The following NRXN3 variants were observed in gnomAD, a reference collection of about 807,000 sequenced individuals.
NRXN3 encodes the protein neurexin III.
Under a neutral mutation model 137.6 loss-of-function variants are expected in NRXN3, and 32 were observed. That is an observed-to-expected ratio of 0.23 (90% CI 0.18 to 0.31). The LOEUF is 0.31. NRXN3 is among the 10% of genes least tolerant of loss of function. The pLI is 1.00. For missense variants in NRXN3, 1,574 were observed against 2,062.5 expected, an observed-to-expected ratio of 0.76 and a Z score of 4.59; for synonymous variants, 798 against 784.5, an observed-to-expected ratio of 1.02 and a Z score of -0.29.
At chr14:79,075,048 T>C (rs958351215) in intron 15 of NRXN3, among the ~76,000 whole-genome samples, 10 of 152,194 alleles carry the variant, frequency 6.6e-5, no homozygotes, top group Non-Finnish European at 1.2e-4. Context: ...CTTTTACTTA[T>C]TTTAATTTTA....
At chr14:78,665,719 G>A (rs1050594328) in intron 6 of NRXN3, among the ~76,000 whole-genome samples, 1 of 152,128 alleles carries the variant, frequency 6.6e-6, no homozygotes, top group Non-Finnish European at 1.5e-5. Context: ...GAAGCTACTA[G>A]GACAAAAAGG....
At chr14:79,099,223 A>G (rs2050852620) in intron 15 of NRXN3, among the ~76,000 whole-genome samples, 1 of 152,202 alleles carries the variant, frequency 6.6e-6, no homozygotes, top group African/African-American at 2.4e-5. Flanking sequence ...GTGTATAAGC[A>G]GAGTTTGCTA....
At chr14:78,839,490 C>A (rs945219415) in intron 10 of NRXN3, among the ~76,000 whole-genome samples, 2 of 152,226 alleles carry the variant, frequency 1.3e-5, no homozygotes, top group African/African-American at 4.8e-5. Flanking sequence ...TGCTTTTCAT[C>A]TGTCCAAGCT....
intron 4 of NRXN3, among the ~76,000 whole-genome samples, chr14:78,619,063 G>A (rs2152494372): frequency 6.6e-6 from 1 of 152,258 alleles, no homozygotes; most frequent in East Asian, 1.9e-4. Flanking sequence ...ATCCCCTTGA[G>A]GAGTTCCATC....
chr14:79,122,926 T>C lies in NRXN3; in HGVS notation c.3262+134785T>C, dbSNP rs552357223. Among the ~76,000 whole-genome samples, 44 of 152,314 alleles carry C rather than the reference T, an allele frequency of 2.9e-4. 1 individual carries two copies. In the South Asian group the frequency reaches 9.1e-3, roughly 32 times the overall value. On this transcript the variant is annotated intron_variant, in intron 15 of 20. Coordinates refer to ENST00000335750, the MANE Select transcript of NRXN3 (RefSeq NM_001330195.2). ...GCTTTATAATTTGAAAACCTCTATT[T>C]TACTCCTGTTTTTCTTTGGAGGCCA...
chr14:78,995,394 C>A (rs1490443148), intron 15 of NRXN3, among the ~76,000 whole-genome samples: 2 of 152,162 alleles, frequency 1.3e-5, no homozygotes, highest in Non-Finnish European at 2.9e-5. Flanking sequence ...CAACATATGT[C>A]ATACAGCACG....
chr14:79,857,116 G>A (rs992435150), intron 20 of NRXN3, among the ~76,000 whole-genome samples: 7 of 152,178 alleles, frequency 4.6e-5, no homozygotes, highest in Non-Finnish European at 8.8e-5. Context: ...TGATCTCTGG[G>A]AAGTGAAGAA....
chr14:79,674,115 T>C (rs1178244562), intron 17 of NRXN3, among the ~76,000 whole-genome samples: 1 of 152,008 alleles, frequency 6.6e-6, no homozygotes, highest in African/African-American at 2.4e-5. Context: ...GGGGCGAGCA[T>C]GGAATACAAT....
At chr14:78,253,127 G>A (rs1264750607) in intron 2 of NRXN3, among the ~76,000 whole-genome samples, 2 of 152,118 alleles carry the variant, frequency 1.3e-5, no homozygotes, top group Non-Finnish European at 2.9e-5. Flanking sequence ...TGCTCTGTCT[G>A]GGCCAGAAAA....
intron 19 of NRXN3, among the ~76,000 whole-genome samples, chr14:79,762,855 T>C (rs72698406): frequency 6.6e-6 from 1 of 151,314 alleles, no homozygotes; most frequent in East Asian, 1.9e-4. Flanking sequence ...TGAACATCTG[T>C]TTTTTCTTTT....
At chr14:79,376,241 TATATATATATATATATATATATATAC>T (rs1207270204) in intron 15 of NRXN3, among the ~76,000 whole-genome samples, 3,459 of 110,600 alleles carry the variant, frequency 0.031, 100 homozygotes, top group Non-Finnish European at 0.045. Context: ...TATATATATA[TATATATATATATATATATATATATAC>T]ACATACATAT....
intron 15 of NRXN3, among the ~76,000 whole-genome samples, chr14:79,380,149 C>CTT (rs949863265): frequency 6.1e-5 from 3 of 48,944 alleles, no homozygotes; most frequent in Non-Finnish European, 4.1e-5. Context: ...TATACTTCTT[C>CTT]TTTTTTTTTT....
chr14:78,442,282 G>GAAAA (rs34451142), intron 4 of NRXN3, among the ~76,000 whole-genome samples: 51 of 142,908 alleles, frequency 3.6e-4, no homozygotes, highest in African/African-American at 1.3e-3. Flanking sequence ...AGAAAAAAAG[G>GAAAA]AAAAAAAAAA....
intron 4 of NRXN3, among the ~76,000 whole-genome samples, chr14:78,574,600 G>A (rs1051128134): frequency 2.6e-5 from 4 of 152,182 alleles, no homozygotes; most frequent in East Asian, 1.9e-4. Context: ...TAGCCCCTTC[G>A]TTTTGGCCAG....
chr14:79,343,350 A>G (rs79732725), intron 15 of NRXN3, among the ~76,000 whole-genome samples: 1,993 of 152,298 alleles, frequency 0.013, 54 homozygotes, highest in African/African-American at 0.045. Flanking sequence ...TCCCAAAGTT[A>G]GTTCAGTCTA....
intron 15 of NRXN3, among the ~76,000 whole-genome samples, chr14:79,411,003 C>T (rs909031654): frequency 6.6e-6 from 1 of 152,022 alleles, no homozygotes; most frequent in Non-Finnish European, 1.5e-5. Flanking sequence ...CTCAGGGCTA[C>T]CCATCTATTA....
chr14:79,108,796 A>T (rs1370421201), intron 15 of NRXN3, among the ~76,000 whole-genome samples: 2 of 152,168 alleles, frequency 1.3e-5, no homozygotes, highest in African/African-American at 4.8e-5. Flanking sequence ...GAAGAAGGGG[A>T]GGCAATTTGT....
At chr14:79,740,707 G>GTTTT (rs71103816) in intron 19 of NRXN3, among the ~76,000 whole-genome samples, 3 of 47,694 alleles carry the variant, frequency 6.3e-5, no homozygotes, top group Admixed American at 3.1e-4. Flanking sequence ...TTTGCATTTA[G>GTTTT]TTTTTTATAT....
intron 4 of NRXN3, among the ~76,000 whole-genome samples, chr14:78,298,209 C>G (rs1309186490): frequency 6.6e-6 from 1 of 152,208 alleles, no homozygotes; most frequent in Non-Finnish European, 1.5e-5. Flanking sequence ...AAGCGGTTAA[C>G]TTCCTCCTGC....
Sources: gnomAD v4.1 joint callset for allele counts (sites outside exome capture counted in the v4.1 genomes callset) on GRCh38, gnomAD v4.1.1 for gene constraint, MANE v1.5 for transcripts, NCBI Gene and HGNC (gene_info 2026-07-23, HGNC 2026-07-21) for gene names.